Variants in NOXA1 observed in about 807,000 individuals in gnomAD.
NOXA1 encodes the protein NCF2-like protein.
A neutral mutation model predicts 64.8 loss-of-function variants in NOXA1; 56 were observed. The observed-to-expected ratio is 0.86, with a 90% confidence interval of 0.70 to 1.08. The LOEUF (loss-of-function observed/expected upper bound fraction) is 1.08, where lower values mean the gene tolerates loss of function less well. Among genes scored for constraint, NOXA1 ranks in the 50% least tolerant of loss-of-function variants. The pLI, the probability that NOXA1 is intolerant of heterozygous loss-of-function variation, is 0.00. For synonymous variants in NOXA1, 295 were observed against 294.8 expected (o/e 1.00, Z -0.01); for missense variants, 668 against 658.5 (o/e 1.01, Z -0.16).
At chr9:137,425,051 G>A (rs1219913634) in intron 1 of NOXA1, among the ~76,000 whole-genome samples, 1 of 152,198 alleles carries the variant, frequency 6.6e-6, no homozygotes, top group African/African-American at 2.4e-5. Context: ...GTGACGTTTG[G>A]GGCAGACAGG....
intron 1 of NOXA1, among the ~76,000 whole-genome samples, chr9:137,424,533 G>C (rs551562469): frequency 6.6e-6 from 1 of 152,122 alleles, no homozygotes; most frequent in African/African-American, 2.4e-5. Flanking sequence ...TCTGCCTCCC[G>C]GGTTCAAGCA....
Position 137,433,972 on chromosome 9 carries a change from G to C in NOXA1, c.1187G>C (p.Gly396Ala). ...CCCACTCTCCTGCCTCAGGGAGCCGGGGGTCGGCCGGTCCTCTACCAGGTG... is the reference window on the plus strand; with the variant it reads ...CCCACTCTCCTGCCTCAGGGAGCCGCGGGTCGGCCGGTCCTCTACCAGGTG... ...RGLQLQCRGA[G>A]GRPVLYQVVA... is the part of the protein sequence containing the mutation. The change falls in exon 13 of 14, where the codon GGG (glycine) becomes GCG (alanine). Residue 396 changes from glycine (G) to alanine (A), a missense_variant. Coordinates refer to ENST00000683555, the MANE Select transcript of NOXA1 (RefSeq NM_001256067.2). 2 of 1,547,922 alleles carry C rather than the reference G, an allele frequency of 1.3e-6. No homozygotes were observed. The highest frequency in any genetic ancestry group is 1.4e-5 in the African/African-American group (1 of 73,644).
chr9:137,431,342 G>C lies in NOXA1; in HGVS notation c.804+1G>C, dbSNP rs1839101648. The C allele has an allele frequency of 2.2e-5, 35 of 1,606,590 alleles. No homozygotes were observed. Among genetic ancestry groups the C allele is most frequent in the Non-Finnish European group, 2.9e-5 (34 of 1,179,362 alleles). On this transcript the variant is annotated splice_donor_variant, in intron 8 of 13. Transcript: ENST00000683555. LOFTEE classifies it high-confidence loss of function. This position sits in a 1 kb window ranked among gnomAD's most constrained non-coding sequence, Gnocchi z 5.6. ...CACGTCGACTGCCTACCAGGAGCAG[G>C]TGCGTGGGCCTGGGCCTCTTCCCCT...
Position 137,433,090 on chromosome 9 carries a change from G to C in NOXA1, c.850+16G>C. On this transcript the variant is annotated intron_variant, in intron 9 of 13. Coordinates refer to ENST00000683555, the MANE Select transcript of NOXA1 (RefSeq NM_001256067.2). ...CTCTCCCCAGGTATGGGCGTCCTCA[G>C]CGGCGGGGTCCCCGGGTGAAGGAGG... is the stretch of plus-strand genomic sequence containing the variant. The C allele has an allele frequency of 6.2e-7, 1 of 1,612,764 alleles. No individual in the cohort carries two copies. Among genetic ancestry groups the C allele is most frequent in the South Asian group, 1.1e-5 (1 of 91,080 alleles).
chr9:137,430,076 G>A (rs1839034095), intron 5 of NOXA1, among the ~76,000 whole-genome samples: 2 of 129,976 alleles, frequency 1.5e-5, no homozygotes, highest in African/African-American at 3.1e-5. Flanking sequence ...GGGTGCCTGT[G>A]TCCCTGCCAC....
At chr9:137,429,221 C>A in intron 4 of NOXA1, 55 bp from the exon 5 acceptor site, 1 of 1,396,814 alleles carries the variant, frequency 7.2e-7, no homozygotes, top group Non-Finnish European at 9.7e-7. Context: ...GGCTCTGCGG[C>A]TGCAGGCCTG....
At chr9:137,424,299 G>C (rs545148583) in intron 1 of NOXA1, among the ~76,000 whole-genome samples, 1 of 152,358 alleles carries the variant, frequency 6.6e-6, no homozygotes, top group South Asian at 2.1e-4. Context: ...AGAGGGAACT[G>C]CGCGCTGTGG....
chr9:137,430,101 C>T (rs1382863808), intron 5 of NOXA1, among the ~76,000 whole-genome samples: 1 of 140,924 alleles, frequency 7.1e-6, no homozygotes, highest in African/African-American at 2.7e-5. Context: ...AGCGAGGTCC[C>T]GGGGGGTCTC....
Position 137,423,517 on chromosome 9 carries a change from G to T in NOXA1, c.-13G>T, listed in dbSNP as rs574211123. The stretch of plus-strand genomic sequence containing the variant: ...GGATCCTGGCCCCTCCTCGAGCGCC[G>T]CCACCGGCCGCCATGGCCTCTCTGG... On this transcript the variant is annotated 5_prime_UTR_variant, in exon 1 of 14. Transcript: ENST00000683555. 2 of 1,340,526 alleles carry T rather than the reference G, an allele frequency of 1.5e-6. No homozygotes were observed. Among genetic ancestry groups the T allele is most frequent in the South Asian group, 2.0e-5 (1 of 51,268 alleles). The allele number at this position is 1,340,526 out of a possible 1,614,324, so 83.0% of individuals were successfully genotyped here. A position where few individuals can be genotyped will look rare whatever the true frequency, so the allele number is the denominator to read the frequency against.
In NOXA1 at chr9:137,429,390, G is replaced by T. The variant is rs1298001543; in HGVS notation, c.612+7G>T. On this transcript the variant is annotated splice_region_variant and intron_variant, in intron 5 of 13. Transcript: ENST00000683555. The stretch of plus-strand genomic sequence containing the variant: ...TTTCCTGGGCAAGGCCAAGGTAAAG[G>T]TGGGGACGGCGTCCTGGGGCATGGC... The T allele has an allele frequency of 6.4e-7, 1 of 1,558,350 alleles. No individual in the cohort carries two copies. Among genetic ancestry groups the T allele is most frequent in the Non-Finnish European group, 8.7e-7 (1 of 1,148,666 alleles).
rs1838982181 is a variant in NOXA1, at chr9:137,429,265, AC to A, written c.505-6del. 4 of 1,525,312 alleles carry A rather than the reference AC, an allele frequency of 2.6e-6. No homozygotes were observed. Among genetic ancestry groups the A allele is most frequent in the African/African-American group, 1.4e-5 (1 of 72,526 alleles). 94.5% of individuals were successfully genotyped at this position (1,525,312 alleles called of 1,614,324 possible). A position where few individuals can be genotyped will look rare whatever the true frequency, so the allele number is the denominator to read the frequency against. On this transcript the variant is annotated splice_polypyrimidine_tract_variant and intron_variant, in intron 4 of 13. Transcript: ENST00000683555. The stretch of plus-strand genomic sequence containing the variant: ...CCCCGTCTGCATCTGCTGGATACCC[AC>A]CCCCTCCAGAGACGGGGCTCACTGC...
At position 137,433,839 on chromosome 9, in the gene NOXA1, C is replaced by T. The variant is rs949346640; in HGVS notation, c.1154C>T (p.Pro385Leu). Residue 385 changes from proline (P) to leucine (L), a missense_variant, in exon 12 of 14, where the codon CCC becomes CTC. Pro to Leu is a moderately conservative substitution (Grantham distance 98). Coordinates refer to ENST00000683555, the MANE Select transcript of NOXA1 (RefSeq NM_001256067.2). ...GCCTGGCAGGACGCAGCTGCCTGCC[C>T]CAGGGGGCTGCAGCTGCAGTGCAGG... ...QRAWQDAAAC[P>L]RGLQLQCRGA... 1 of 1,451,532 alleles carries T rather than the reference C, an allele frequency of 6.9e-7. No homozygotes were observed. Among genetic ancestry groups the T allele is most frequent in the South Asian group, 1.5e-5 (1 of 68,256 alleles). The allele number at this position is 1,451,532 out of a possible 1,614,324, so 89.9% of individuals were successfully genotyped here.
Position 137,423,577 on chromosome 9 carries a change from G to C in NOXA1, c.48G>C (p.Gln16His). 7.4e-6 allele frequency: 11 copies of C among 1,477,240 alleles called. No individual in the cohort carries two copies. Among genetic ancestry groups the C allele is most frequent in the Non-Finnish European group, 9.9e-6 (11 of 1,114,260 alleles). 91.5% of individuals were successfully genotyped at this position (1,477,240 alleles called of 1,614,324 possible). ...DLVRAWHLGAQAVDRGDWARA... is the reference protein window; with the variant it reads ...DLVRAWHLGAHAVDRGDWARA... ...TGCGCGCCTGGCACCTGGGCGCGCA[G>C]GCTGTGGATCGTGGGGACTGGGCCC... The change falls in exon 1 of 14, where the codon CAG (glutamine) becomes CAC (histidine). Residue 16 changes from glutamine (Q) to histidine (H), a missense_variant. By Grantham distance (24) the Gln-to-His change is conservative. Transcript: ENST00000683555.
chr9:137,433,954 TC>T lies in NOXA1; in HGVS notation c.1180-9del, dbSNP rs1173657432. On this transcript the variant is annotated splice_polypyrimidine_tract_variant and intron_variant, in intron 12 of 13. Transcript: ENST00000683555. ...GCCCGGCCCGACCTGCAGCCCACTCTCCTGCCTCAGGGAGCCGGGGGTCGGC... is the reference window on the plus strand; with the variant it reads ...GCCCGGCCCGACCTGCAGCCCACTCTCTGCCTCAGGGAGCCGGGGGTCGGC... The T allele has an allele frequency of 2.9e-5, 45 of 1,540,868 alleles. No homozygotes were observed. The highest frequency in any genetic ancestry group is 3.8e-5 in the Non-Finnish European group (44 of 1,145,478).
Position 137,431,199 on chromosome 9 carries a change from G to T in NOXA1, c.699-37G>T, listed in dbSNP as rs780541502. ...CGGGCCGGGCACAGGAGGGCAGTCA[G>T]ATGGGCAGGGCCTGAGAGCCTCCCT... On this transcript the variant is annotated intron_variant, in intron 7 of 13. Coordinates refer to ENST00000683555, the MANE Select transcript of NOXA1 (RefSeq NM_001256067.2). The surrounding 1 kb of genome is among the most constrained non-coding windows in gnomAD (Gnocchi z 5.6). The T allele has an allele frequency of 1.6e-5, 25 of 1,609,242 alleles. No homozygotes were observed. Among genetic ancestry groups the T allele is most frequent in the Non-Finnish European group, 2.1e-5 (25 of 1,177,226 alleles).
At chr9:137,433,644 G>A (rs750919305) in intron 11 of NOXA1, 37 bp downstream of exon 11, 1 of 1,529,630 alleles carries the variant, frequency 6.5e-7, no homozygotes, top group Non-Finnish European at 8.8e-7. Flanking sequence ...CGGTGGAGCT[G>A]GGCACCGCCC....
chr9:137,425,232 G>A (rs576368266), intron 1 of NOXA1, among the ~76,000 whole-genome samples: 20 of 152,224 alleles, frequency 1.3e-4, no homozygotes, highest in Non-Finnish European at 2.2e-4. Context: ...TGATGGCCAC[G>A]GTCCCTGTTC....
intron 5 of NOXA1, among the ~76,000 whole-genome samples, chr9:137,430,091 A>G (rs1839035418): frequency 8.1e-6 from 1 of 122,934 alleles, no homozygotes; most frequent in African/African-American, 3.2e-5. Flanking sequence ...TGCCACAGAT[A>G]GCGAGGTCCC....
chr9:137,427,998 C>A (rs1246667556), intron 2 of NOXA1, 35 bp from the exon 3 acceptor site: 2 of 1,441,720 alleles, frequency 1.4e-6, no homozygotes, highest in Non-Finnish European at 1.9e-6. Flanking sequence ...CCCATCTCCG[C>A]CCTGTGCTGC....
Sources: allele counts gnomAD v4.1 joint callset (sites outside exome capture counted in the v4.1 genomes callset), GRCh38; gene constraint gnomAD v4.1.1; non-coding constraint Gnocchi (gnomAD v3.1); transcripts MANE v1.5; gene names NCBI Gene and HGNC (gene_info 2026-07-23, HGNC 2026-07-21).